LRP12: variants seen among roughly 807,000 people sequenced by gnomAD.
LRP12 encodes the protein LDL receptor related protein 12, also known as low-density lipoprotein receptor-related protein 12.
Under a neutral mutation model 66.0 loss-of-function variants are expected in LRP12, and 14 were observed. The observed-to-expected ratio is 0.21, with a 90% confidence interval of 0.14 to 0.33. LRP12 has a LOEUF of 0.33. Among genes scored for constraint, LRP12 ranks in the 10% least tolerant of loss-of-function variants. The probability of loss-of-function intolerance (pLI) is 1.00; values close to 1 mark genes in which losing one functional copy is unlikely to be tolerated. For synonymous variants in LRP12, 357 were observed against 359.1 expected (o/e 0.99, Z 0.07); for missense variants, 889 against 1,053.4 (o/e 0.84, Z 2.16).
intron 1 of LRP12, among the ~76,000 whole-genome samples, chr8:104,543,788 G>T (rs1811513348): frequency 6.6e-6 from 1 of 152,226 alleles, no homozygotes; most frequent in South Asian, 2.1e-4. Flanking sequence ...TAGGCGTGGT[G>T]GCGCATGCCT....
At chr8:104,531,995 C>A in intron 1 of LRP12, 32 bp from the exon 2 acceptor site, 2 of 1,467,108 alleles carry the variant, frequency 1.4e-6, no homozygotes, top group Non-Finnish European at 1.9e-6. Context: ...AAACTAATAT[C>A]CAAGATAAAA....
Position 104,490,497 on chromosome 8 carries a change from C to T in LRP12, c.*176G>A. ...CATTTTTAGCTGCTAAAATAGTAAACTCTAAGTTCATAGAGTTACAAGTTG... is the reference window on the plus strand; with the variant it reads ...CATTTTTAGCTGCTAAAATAGTAAATTCTAAGTTCATAGAGTTACAAGTTG... On this transcript the variant is annotated 3_prime_UTR_variant, in exon 7 of 7. Coordinates refer to ENST00000276654, the MANE Select transcript of LRP12 (RefSeq NM_013437.5). 6.4e-6 allele frequency: 4 copies of T among 628,646 alleles called. No individual in the cohort carries two copies. Among genetic ancestry groups the T allele is most frequent in the Non-Finnish European group, 1.1e-5 (4 of 378,206 alleles). 38.9% of individuals were successfully genotyped at this position (628,646 alleles called of 1,614,324 possible). A position where few individuals can be genotyped will look rare whatever the true frequency, so the allele number is the denominator to read the frequency against.
intron 3 of LRP12, among the ~76,000 whole-genome samples, chr8:104,501,414 T>TC (rs1810825890): frequency 6.6e-6 from 1 of 152,088 alleles, no homozygotes; most frequent in South Asian, 2.1e-4. Flanking sequence ...CCTTTTATAT[T>TC]CTTGGCCGGG....
At chr8:104,577,563 C>T (rs1365010667) in intron 1 of LRP12, among the ~76,000 whole-genome samples, 1 of 152,140 alleles carries the variant, frequency 6.6e-6, no homozygotes, top group East Asian at 1.9e-4. Context: ...GTAATCCCAC[C>T]ACTTTGGGAG....
At chr8:104,510,997 T>C (rs1312723844) in intron 2 of LRP12, among the ~76,000 whole-genome samples, 1 of 146,684 alleles carries the variant, frequency 6.8e-6, no homozygotes, top group Non-Finnish European at 1.5e-5. Context: ...GATGGCCAAA[T>C]ACCACTATTA....
At chr8:104,537,333 C>T (rs564125906) in intron 1 of LRP12, among the ~76,000 whole-genome samples, 63 of 152,196 alleles carry the variant, frequency 4.1e-4, no homozygotes, top group Middle Eastern at 3.4e-3. Context: ...AAAACAAAAA[C>T]CTCCAAAATT....
chr8:104,542,459 T>C (rs1163743213), intron 1 of LRP12, among the ~76,000 whole-genome samples: 1 of 152,164 alleles, frequency 6.6e-6, no homozygotes. Context: ...GACTTTTCAG[T>C]GTCTTGATAG....
chr8:104,538,216 T>C (rs1811417035), intron 1 of LRP12, among the ~76,000 whole-genome samples: 1 of 152,150 alleles, frequency 6.6e-6, no homozygotes, highest in Non-Finnish European at 1.5e-5. Context: ...CGGTAGGCAA[T>C]CAACAAATAG....
chr8:104,573,414 A>AACTGCC (rs1423530640), intron 1 of LRP12, among the ~76,000 whole-genome samples: 2 of 152,056 alleles, frequency 1.3e-5, no homozygotes, highest in Admixed American at 1.3e-4. Flanking sequence ...CTGCCTTCAG[A>AACTGCC]TGTGAGTTCC....
intron 3 of LRP12, among the ~76,000 whole-genome samples, chr8:104,501,211 C>G (rs1810823407): frequency 6.6e-6 from 1 of 152,120 alleles, no homozygotes; most frequent in Non-Finnish European, 1.5e-5. Context: ...TTCTTTCTCT[C>G]CAATAGTCAG....
intron 2 of LRP12, among the ~76,000 whole-genome samples, chr8:104,515,984 G>A (rs1181610234): frequency 6.6e-6 from 1 of 152,038 alleles, no homozygotes; most frequent in East Asian, 1.9e-4. Context: ...GAACTCTTGA[G>A]CTCAAATAAT....
In LRP12 at chr8:104,490,568, C is replaced by T. The variant is rs1469385621; in HGVS notation, c.*105G>A. 15 of 1,297,654 alleles carry T rather than the reference C, an allele frequency of 1.2e-5. No individual in the cohort carries two copies. The highest frequency in any genetic ancestry group is 1.6e-5 in the Non-Finnish European group (15 of 943,452). The allele number at this position is 1,297,654 out of a possible 1,614,324, so 80.4% of individuals were successfully genotyped here. On this transcript the variant is annotated 3_prime_UTR_variant, in exon 7 of 7. Transcript: ENST00000276654. ...TAACATATAATAATAAGAAATCACC[C>T]TGCATTTTTTCTTTTTAAACTAAAA...
intron 1 of LRP12, among the ~76,000 whole-genome samples, chr8:104,561,953 C>A (rs2140887787): frequency 6.6e-6 from 1 of 152,114 alleles, no homozygotes; most frequent in African/African-American, 2.4e-5. Context: ...ATTTAGAGAC[C>A]ATAATTTAGA....
chr8:104,511,665 CT>C, intron 2 of LRP12, among the ~76,000 whole-genome samples: 1 of 152,176 alleles, frequency 6.6e-6, no homozygotes, highest in East Asian at 1.9e-4. Flanking sequence ...AAAGTCAATC[CT>C]TATTTCTATA....
Position 104,497,471 on chromosome 8 carries a change from C to CA in LRP12, c.1080dup (p.Ala361CysfsTer6). On this transcript the variant is annotated frameshift_variant, in exon 5 of 7. Coordinates refer to ENST00000276654, the MANE Select transcript of LRP12 (RefSeq NM_013437.5). LOFTEE classifies it high-confidence loss of function. The surrounding 1 kb of genome is among the most constrained non-coding windows in gnomAD (Gnocchi z 4.3). ...TAAGTAGCATTAAATCCCCTTGCAG[C>CA]ATTCACTTTATCAGCACAAAAATGT... 6.2e-7 allele frequency: 1 copy of CA among 1,614,144 alleles called. No homozygotes were observed. The highest frequency in any genetic ancestry group is 8.5e-7 in the Non-Finnish European group (1 of 1,180,006).
Position 104,589,255 on chromosome 8 carries a change from G to A in LRP12, c.-358C>T, listed in dbSNP as rs1170090847. On this transcript the variant is annotated 5_prime_UTR_variant, in exon 1 of 7. Coordinates refer to ENST00000276654, the MANE Select transcript of LRP12 (RefSeq NM_013437.5). ...GGCTAGCCGGCGCCGCCACTCGCCA[G>A]ACTGAGCGCGCGCCCATCCGTGCGA... 1.3e-5 allele frequency among the ~76,000 whole-genome samples: 2 copies of A among 152,014 alleles called. No individual in the cohort carries two copies. Among genetic ancestry groups the A allele is most frequent in the African/African-American group, 4.8e-5 (2 of 41,440 alleles).
intron 1 of LRP12, among the ~76,000 whole-genome samples, chr8:104,552,213 AG>A (rs1564143365): frequency 2.6e-5 from 4 of 152,180 alleles, no homozygotes; most frequent in Non-Finnish European, 5.9e-5. Context: ...TTAGATTGTA[AG>A]GGACTTTGCT....
At chr8:104,562,841 T>C (rs1414387837) in intron 1 of LRP12, among the ~76,000 whole-genome samples, 1 of 152,210 alleles carries the variant, frequency 6.6e-6, no homozygotes, top group Non-Finnish European at 1.5e-5. Flanking sequence ...ATAATCTAGC[T>C]TCTTGCCATT....
In LRP12 at chr8:104,504,076, C is replaced by T. The variant is rs944773178; in HGVS notation, c.273-4557G>A. On this transcript the variant is annotated intron_variant, in intron 3 of 6. Transcript: ENST00000276654. Reference sequence around the variant, plus strand: ...TTCTTCAATGGCTACTGATTTCATCCGTTTTCTAATTCTTCTTGAATCAAT... The same window carrying T: ...TTCTTCAATGGCTACTGATTTCATCTGTTTTCTAATTCTTCTTGAATCAAT... Among the ~76,000 whole-genome samples the T allele has an allele frequency of 2.0e-5, 3 of 151,972 alleles. No individual in the cohort carries two copies. The South Asian group carries it at 6.2e-4, about 32-fold the overall frequency.
Sources: gnomAD v4.1 joint callset for allele counts (sites outside exome capture counted in the v4.1 genomes callset) on GRCh38, gnomAD v4.1.1 for gene constraint, Gnocchi (gnomAD v3.1) non-coding constraint, MANE v1.5 for transcripts, NCBI Gene and HGNC (gene_info 2026-07-23, HGNC 2026-07-21) for gene names.